ROS1: variants seen among roughly 807,000 people sequenced by gnomAD.
ROS1 encodes proto-oncogene tyrosine-protein kinase ROS.
In ROS1, 263 loss-of-function variants were observed where a neutral mutation model predicts 273.5. That is an observed-to-expected ratio of 0.96 (90% CI 0.87 to 1.06). The LOEUF (loss-of-function observed/expected upper bound fraction) is 1.06. Ranked by LOEUF, ROS1 falls within the 50% of genes least tolerant of loss-of-function variation. The pLI, the probability that ROS1 is intolerant of heterozygous loss-of-function variation, is 0.00. For missense variants in ROS1, 2,833 were observed against 2,751.1 expected (o/e 1.03, Z -0.67); for synonymous variants, 1,008 against 954.1 (o/e 1.06, Z -1.04).
chr6:117,389,709 A>G lies in ROS1; in HGVS notation c.1427T>C (p.Ile476Thr), dbSNP rs768456216. 1.2e-6 allele frequency: 2 copies of G among 1,614,172 alleles called. No individual in the cohort carries two copies. The highest frequency in any genetic ancestry group is 1.7e-6 in the Non-Finnish European group (2 of 1,180,040). The change falls in exon 13 of 44, where the codon ATC (isoleucine) becomes ACC (threonine). Residue 476 changes from isoleucine to threonine, a missense_variant. By Grantham distance (89) the Ile-to-Thr change is moderately conservative. Transcript: ENST00000368507. ...TTGGGCAGTGTCATTGAAGTAAATGATTCGCTTGGCTTGTGGCTTGATTGC... is the reference window on the plus strand; with the variant it reads ...TTGGGCAGTGTCATTGAAGTAAATGGTTCGCTTGGCTTGTGGCTTGATTGC... Reference protein sequence around the residue: ...DFAIKPQAKRIIYFNDTAQVF... With the variant: ...DFAIKPQAKRTIYFNDTAQVF...
chr6:117,312,342 A>T (rs1469115197), intron 39 of ROS1, among the ~76,000 whole-genome samples: 1 of 152,090 alleles, frequency 6.6e-6, no homozygotes, highest in African/African-American at 2.4e-5. Context: ...TGACACGTTT[A>T]TCTCTTGCTC....
rs748298206 is a variant in ROS1 at position 117,321,180 on chromosome 6, T to C, written c.5759+79A>G. The C allele has an allele frequency of 4.8e-6, 7 of 1,473,290 alleles. No homozygotes were observed. In the South Asian group the frequency reaches 5.3e-5, roughly 11 times the overall value. The allele number at this position is 1,473,290 out of a possible 1,614,324, so 91.3% of individuals were successfully genotyped here. ...TATAAACCATGACTGTCTTGGGCAA[T>C]GCGGAATTCATAGGCACTCTCCTTA... On this transcript the variant is annotated intron_variant, in intron 36 of 43. Transcript: ENST00000368507.
chr6:117,387,539 A>G (rs1483988357), intron 14 of ROS1, among the ~76,000 whole-genome samples: 1 of 152,240 alleles, frequency 6.6e-6, no homozygotes, highest in Non-Finnish European at 1.5e-5. Context: ...CTTAAAAAAT[A>G]TCTTGGAAAG....
At chr6:117,366,398 G>T in intron 18 of ROS1, 108 bp from the exon 19 acceptor site, 1 of 712,980 alleles carries the variant, frequency 1.4e-6, no homozygotes, top group Non-Finnish European at 2.4e-6. Flanking sequence ...ACGCATTTGT[G>T]TACATTAAAA....
chr6:117,412,086 A>G (rs1433374394), intron 4 of ROS1, among the ~76,000 whole-genome samples: 2 of 152,146 alleles, frequency 1.3e-5, no homozygotes, highest in African/African-American at 4.8e-5. Flanking sequence ...TGTGTCTTCT[A>G]TGTCAAGAAA....
Position 117,321,322 on chromosome 6 carries a change from T to C in ROS1, c.5696A>G (p.Glu1899Gly). 6.2e-7 allele frequency: 1 copy of C among 1,613,798 alleles called. No individual in the cohort carries two copies. Among genetic ancestry groups the C allele is most frequent in the Non-Finnish European group, 8.5e-7 (1 of 1,179,830 alleles). Reference sequence around the variant, plus strand: ...TGCCAGACCTCGCAGCTCAGCCAACTCTTTGTCTTCGTTTATAAGCACTGT... The same window carrying C: ...TGCCAGACCTCGCAGCTCAGCCAACCCTTTGTCTTCGTTTATAAGCACTGT... The part of the protein sequence containing the change: ...GVTVLINEDK[E>G]LAELRGLAAG... Residue 1899 changes from glutamate (E) to glycine (G), a missense_variant, in exon 36 of 44, where the codon GAG (glutamate) becomes GGG (glycine). Transcript: ENST00000368507.
At chr6:117,338,539 C>CAAAAAAAAAAAA (rs3086778) in intron 31 of ROS1, among the ~76,000 whole-genome samples, 1 of 141,610 alleles carries the variant, frequency 7.1e-6, no homozygotes, top group African/African-American at 2.6e-5. Context: ...AACTCCTGGC[C>CAAAAAAAAAAAA]AAAAAAAAAA....
Position 117,404,377 on chromosome 6 carries a change from T to G in ROS1, c.368A>C (p.Asn123Thr). Residue 123 changes from asparagine (N) to threonine (T), a missense_variant, in exon 6 of 44, where the codon AAT becomes ACT. Transcript: ENST00000368507. ...APFASSIGSH[N>T]MTLRWKSANF... ...TGCAGATTTCCATCGTAATGTCATA[T>G]TGTGGCTTCCAATGGAAGAAGCAAA... 10 of 1,613,980 alleles carry G rather than the reference T, an allele frequency of 6.2e-6. No homozygotes were observed. The highest frequency in any genetic ancestry group is 8.5e-6 in the Non-Finnish European group (10 of 1,179,898).
rs1776075738 is a variant in ROS1 at position 117,425,557 on chromosome 6, G to C, written c.100C>G (p.Leu34Val). 1.2e-6 allele frequency: 2 copies of C among 1,601,180 alleles called. No individual in the cohort carries two copies. The highest frequency in any genetic ancestry group is 1.7e-6 in the Non-Finnish European group (2 of 1,176,072). ...VVQCTVLNSC[L>V]KSCVTNLGQQ... ...ACCAGATTAGTTACACACGACTTTA[G>C]GCAGCTATTTAAAACTGTACACTGC... is the stretch of plus-strand genomic sequence containing the variant. The change falls in exon 1 of 44, where the codon CTA becomes GTA. Residue 34 changes from leucine (L) to valine (V), a missense_variant. Physicochemically the swap from Leu to Val is conservative, Grantham distance 32. Transcript: ENST00000368507.
chr6:117,292,829 G>A (rs2128525389), intron 43 of ROS1, among the ~76,000 whole-genome samples: 1 of 152,252 alleles, frequency 6.6e-6, no homozygotes, highest in South Asian at 2.1e-4. Flanking sequence ...AAGTCCGATA[G>A]CATCTACCTC....
chr6:117,385,708 A>G lies in ROS1; in HGVS notation c.2264T>C (p.Leu755Pro), dbSNP rs745858708. Reference protein sequence around the residue: ...ALAFEWLGHFLYWAGKTYVIQ... With the variant: ...ALAFEWLGHFPYWAGKTYVIQ... ...CACATATGTCTTTCCAGCCCAGTAG[A>G]GAAAGTGACCCAGCCACTCAAAAGC... Residue 755 changes from leucine to proline, a missense_variant, in exon 16 of 44, where the codon CTC (leucine) becomes CCC (proline). Leu to Pro is a moderately conservative substitution (Grantham distance 98). Transcript: ENST00000368507. 3 of 1,614,088 alleles carry G rather than the reference A, an allele frequency of 1.9e-6. No homozygotes were observed. The highest frequency in any genetic ancestry group is 2.2e-5 in the East Asian group (1 of 44,882).
rs1281101269 is a variant in ROS1, at chr6:117,371,272, T to C, written c.2583-4982A>G. 2.0e-5 allele frequency among the ~76,000 whole-genome samples: 3 copies of C among 152,160 alleles called. No homozygotes were observed. The East Asian group carries it at 5.8e-4, about 29-fold the overall frequency. ...AAAACTGAGTGCCCAAAGTGTGATA[T>C]GGGGAGTGTCCACCCCCGAACACAC... On this transcript the variant is annotated intron_variant, in intron 18 of 43. Transcript: ENST00000368507.
At chr6:117,419,464 G>A (rs915931872) in intron 1 of ROS1, among the ~76,000 whole-genome samples, 6 of 152,064 alleles carry the variant, frequency 3.9e-5, no homozygotes, top group South Asian at 4.1e-4. Context: ...TTTAAACTCC[G>A]TTCCCTAACC....
chr6:117,309,951 G>T (rs768755981), intron 41 of ROS1, 130 bp downstream of exon 41: 198 of 822,340 alleles, frequency 2.4e-4, no homozygotes, highest in Non-Finnish European at 3.6e-4. Flanking sequence ...ACTTTAGCTT[G>T]AGGCAAATCA....
In ROS1 at chr6:117,344,083, A is replaced by C. The variant is rs148612298; in HGVS notation, c.4483T>G (p.Ser1495Ala). ...ACCAGAATTCTATATTTCAAGTCAGAGCTGTTTTTCCTGTCATTAACTTCT... is the reference window on the plus strand; with the variant it reads ...ACCAGAATTCTATATTTCAAGTCAGCGCTGTTTTTCCTGTCATTAACTTCT... ...YAEVNDRKNS[S>A]DLKYRILEFQ... Residue 1495 changes from serine to alanine, a missense_variant, in exon 28 of 44, where the codon TCT (serine) becomes GCT (alanine). Coordinates refer to ENST00000368507, the MANE Select transcript of ROS1 (RefSeq NM_001378902.1). 2 of 1,613,600 alleles carry C rather than the reference A, an allele frequency of 1.2e-6. No homozygotes were observed. The highest frequency in any genetic ancestry group is 2.7e-5 in the African/African-American group (2 of 75,018).
chr6:117,370,388 C>G (rs1190045899), intron 18 of ROS1, among the ~76,000 whole-genome samples: 5 of 152,084 alleles, frequency 3.3e-5, no homozygotes, highest in African/African-American at 1.2e-4. Flanking sequence ...GACCATTCCT[C>G]TGATTAACAA....
chr6:117,361,366 A>G (rs894830539), intron 22 of ROS1, among the ~76,000 whole-genome samples: 2 of 151,356 alleles, frequency 1.3e-5, no homozygotes, highest in African/African-American at 4.8e-5. Flanking sequence ...TACTTTTAGT[A>G]TTAAACATAT....
At chr6:117,365,989 T>C in intron 19 of ROS1, 87 bp downstream of exon 19, 1 of 1,208,154 alleles carries the variant, frequency 8.3e-7, no homozygotes, top group Non-Finnish European at 1.2e-6. Flanking sequence ...TAAAACTTAA[T>C]TCTTAAGAAA....
At chr6:117,375,240 T>C (rs1456977881) in intron 18 of ROS1, among the ~76,000 whole-genome samples, 7 of 152,110 alleles carry the variant, frequency 4.6e-5, no homozygotes, top group Admixed American at 3.9e-4. Context: ...AGTTAGGCTG[T>C]GAGGATGCAA....
Sources: allele counts gnomAD v4.1 joint callset (sites outside exome capture counted in the v4.1 genomes callset), GRCh38; gene constraint gnomAD v4.1.1; transcripts MANE v1.5; gene names NCBI Gene and HGNC (gene_info 2026-07-23, HGNC 2026-07-21).